PHEX: variants seen among roughly 807,000 people sequenced by gnomAD.
PHEX encodes the protein phosphate-regulating neutral endopeptidase PHEX.
In PHEX, 16 loss-of-function variants were observed where a neutral mutation model predicts 68.0. That is an observed-to-expected ratio of 0.24 (90% CI 0.16 to 0.36). The LOEUF (loss-of-function observed/expected upper bound fraction) is 0.36, where lower values mean the gene tolerates loss of function less well. Among genes scored for constraint, PHEX ranks in the 10% least tolerant of loss-of-function variants. PHEX has a pLI of 1.00. For synonymous variants in PHEX, 208 were observed against 205.1 expected, an observed-to-expected ratio of 1.01 and a Z score of -0.12; for missense variants, 480 against 575.5, an observed-to-expected ratio of 0.83 and a Z score of 1.70.
At chrX:22,145,653 G>A (rs1166209142) in intron 12 of PHEX, among the ~76,000 whole-genome samples, 1 of 109,870 alleles carries the variant, frequency 9.1e-6, no homozygotes, top group African/African-American at 3.3e-5. Context: ...AGATACAAAT[G>A]TGCAGCCAGG....
In PHEX at chrX:22,154,816, C is replaced by A. The variant is rs1569413159; in HGVS notation, c.1405-13496C>A. On this transcript the variant is annotated intron_variant, in intron 12 of 21. Coordinates refer to ENST00000379374, the MANE Select transcript of PHEX (RefSeq NM_000444.6). ...AGACAAAGCTTTGGGAAGCCCTAAG[C>A]TAGACGATGCCAGTGTCAAAGGAAC... Among the ~76,000 whole-genome samples the A allele has an allele frequency of 2.7e-5, 3 of 112,166 alleles. No homozygotes were observed. In the Admixed American group the frequency reaches 2.8e-4, roughly 11 times the overall value.
At chrX:22,071,819 C>G (rs777833880) in intron 3 of PHEX, among the ~76,000 whole-genome samples, 1 of 112,474 alleles carries the variant, frequency 8.9e-6, no homozygotes, top group Admixed American at 9.4e-5. Flanking sequence ...AAACTGTCAC[C>G]GGGCGCGGTG....
At chrX:22,048,325 A>G (rs2146988889) in intron 3 of PHEX, among the ~76,000 whole-genome samples, 1 of 111,744 alleles carries the variant, frequency 8.9e-6, no homozygotes, top group South Asian at 3.7e-4. Context: ...TTCTCATACT[A>G]TAAAATCATA....
intron 17 of PHEX, among the ~76,000 whole-genome samples, chrX:22,219,334 A>G (rs1427121168): frequency 8.9e-6 from 1 of 112,324 alleles, no homozygotes; most frequent in Non-Finnish European, 1.9e-5. Context: ...CAGCCTTGTA[A>G]TTTCAATAAA....
At chrX:22,050,586 A>AC (rs1927782306) in intron 3 of PHEX, among the ~76,000 whole-genome samples, 2 of 109,466 alleles carry the variant, frequency 1.8e-5, no homozygotes, top group Admixed American at 9.8e-5. Flanking sequence ...AAAAAAAAAA[A>AC]AAAAAAACAG....
intron 6 of PHEX, among the ~76,000 whole-genome samples, chrX:22,093,042 G>T (rs1284208675): frequency 6.3e-5 from 7 of 111,566 alleles, no homozygotes; most frequent in African/African-American, 2.3e-4. Flanking sequence ...GAGCCACCAC[G>T]CCCAGCCTAT....
At chrX:22,098,098 T>G (rs1255088299) in intron 8 of PHEX, 1 of 112,983 alleles carries the variant, frequency 8.9e-6, no homozygotes, top group East Asian at 2.9e-4. Flanking sequence ...CTTGTGTTTT[T>G]TTTTTTTTTT....
intron 5 of PHEX, among the ~76,000 whole-genome samples, chrX:22,083,743 T>C (rs188384987): frequency 6.2e-5 from 7 of 112,263 alleles, no homozygotes; most frequent in Admixed American, 3.8e-4. Context: ...GTAGAGCCTT[T>C]AGGTTTATCC....
chrX:22,089,547 A>T, intron 5 of PHEX, among the ~76,000 whole-genome samples: 2 of 108,891 alleles, frequency 1.8e-5, no homozygotes, highest in Admixed American at 2.0e-4. Flanking sequence ...CAGCCTCCTG[A>T]GTAGCTGGGA....
chrX:22,089,117 G>T (rs1419619497), intron 5 of PHEX, among the ~76,000 whole-genome samples: 1 of 112,294 alleles, frequency 8.9e-6, no homozygotes, highest in South Asian at 3.7e-4. Flanking sequence ...CGCCTCCTGG[G>T]TTCAAGTGAT....
intron 5 of PHEX, among the ~76,000 whole-genome samples, chrX:22,089,426 G>GTTTTTTTT (rs1281403597): frequency 1.1e-5 from 1 of 90,245 alleles, no homozygotes; most frequent in African/African-American, 4.1e-5. Context: ...TGTTTTTTTT[G>GTTTTTTTT]TTTTTTTTTC....
chrX:22,140,917 C>CT (rs11294508), intron 12 of PHEX, among the ~76,000 whole-genome samples: 296 of 99,974 alleles, frequency 3.0e-3, no homozygotes, highest in African/African-American at 8.1e-3. Flanking sequence ...GAGGTAGGTA[C>CT]TTTTTTTTTT....
At chrX:22,190,596 C>T in intron 15 of PHEX, 94 bp downstream of exon 15, 1 of 644,180 alleles carries the variant, frequency 1.6e-6, no homozygotes, top group Non-Finnish European at 2.6e-6. Flanking sequence ...TTCTTATTTC[C>T]CCCAAAAGTG....
chrX:22,075,909 TA>T, intron 3 of PHEX, among the ~76,000 whole-genome samples: 1 of 111,960 alleles, frequency 8.9e-6, no homozygotes, highest in East Asian at 2.8e-4. Flanking sequence ...CAACAATGGA[TA>T]AAACTTCTAA....
rs1193877267 is a variant in PHEX, at chrX:22,069,873, T to G, written c.350-6515T>G. 2.7e-5 allele frequency among the ~76,000 whole-genome samples: 3 copies of G among 111,760 alleles called. No homozygotes were observed. In the East Asian group the frequency reaches 8.4e-4, roughly 31 times the overall value. ...ACGGGATCCACGGACCATGACTTAGTTAACTTGAATTTTATTTTTTAATGA... is the reference window on the plus strand; with the variant it reads ...ACGGGATCCACGGACCATGACTTAGGTAACTTGAATTTTATTTTTTAATGA... On this transcript the variant is annotated intron_variant, in intron 3 of 21. Coordinates refer to ENST00000379374, the MANE Select transcript of PHEX (RefSeq NM_000444.6).
intron 8 of PHEX, among the ~76,000 whole-genome samples, chrX:22,098,534 C>T (rs1435795566): frequency 4.7e-5 from 5 of 107,014 alleles, no homozygotes; most frequent in African/African-American, 1.7e-4. Flanking sequence ...TACCTGTAAT[C>T]CCAGCACATT....
At chrX:22,239,752 A>T (rs1936118341) in intron 20 of PHEX, among the ~76,000 whole-genome samples, 1 of 111,648 alleles carries the variant, frequency 9.0e-6, no homozygotes, top group African/African-American at 3.3e-5. Flanking sequence ...GAAAAGACCA[A>T]ATCTACATTT....
At chrX:22,165,139 G>T (rs1933268219) in intron 12 of PHEX, among the ~76,000 whole-genome samples, 1 of 112,181 alleles carries the variant, frequency 8.9e-6, no homozygotes. Flanking sequence ...CTAAAGGAAA[G>T]AACTCGTTGC....
chrX:22,196,960 A>G (rs1309986544), intron 15 of PHEX, among the ~76,000 whole-genome samples: 2 of 112,219 alleles, frequency 1.8e-5, no homozygotes, highest in Non-Finnish European at 3.8e-5. Flanking sequence ...AGAATTTCTC[A>G]TACTTCACTG....
Sources: gnomAD v4.1 joint callset for allele counts (sites outside exome capture counted in the v4.1 genomes callset) on GRCh38, gnomAD v4.1.1 for gene constraint, MANE v1.5 for transcripts, NCBI Gene and HGNC (gene_info 2026-07-23, HGNC 2026-07-21) for gene names.